The following SREBF1 variants were observed in gnomAD, a reference collection of about 807,000 sequenced individuals.
SREBF1 encodes sterol regulatory element-binding protein 1.
In SREBF1, 45 loss-of-function variants were observed where a neutral mutation model predicts 100.1. That is an observed-to-expected ratio of 0.45 (90% CI 0.35 to 0.58). SREBF1 has a LOEUF of 0.58. Among genes scored for constraint, SREBF1 ranks in the 20% least tolerant of loss-of-function variants. SREBF1 has a pLI of 0.00. For missense variants in SREBF1, 1,324 were observed against 1,539.4 expected, an observed-to-expected ratio of 0.86 and a Z score of 2.34; for synonymous variants, 657 against 681.8, an observed-to-expected ratio of 0.96 and a Z score of 0.57.
intron 1 of SREBF1, among the ~76,000 whole-genome samples, chr17:17,825,093 T>G (rs1307348732): frequency 6.6e-6 from 1 of 152,136 alleles, no homozygotes; most frequent in Non-Finnish European, 1.5e-5. Context: ...AGGCATGAGT[T>G]CCCCATGGCC....
At chr17:17,820,738 C>G in intron 1 of SREBF1, 4 of 617,292 alleles carry the variant, frequency 6.5e-6, no homozygotes, top group Non-Finnish European at 1.2e-5. Context: ...GCAATGCCTG[C>G]TGCTGCGAGT....
rs1200948125 is a variant in SREBF1, at chr17:17,813,333, G to C, written c.3214+35C>G. On this transcript the variant is annotated intron_variant, in intron 18 of 18. Coordinates refer to ENST00000261646, the MANE Select transcript of SREBF1 (RefSeq NM_004176.5). ...CATGTGCGCCCTTCCCTGCTGAGCA[G>C]ACAGCACATCCCTGGTCAGCAGCTG... is the stretch of plus-strand genomic sequence containing the variant. The C allele has an allele frequency of 2.6e-6, 4 of 1,551,842 alleles. No individual in the cohort carries two copies. In the Admixed American group the frequency reaches 5.6e-5, roughly 22 times the overall value.
At chr17:17,814,209 C>T (rs1206543470) in intron 16 of SREBF1, 36 bp downstream of exon 16, 2 of 1,577,986 alleles carry the variant, frequency 1.3e-6, no homozygotes, top group African/African-American at 1.3e-5. Context: ...AAGCTGAATC[C>T]CCCAGCCCTG....
At chr17:17,813,896 T>TGCAATGCAACA (rs2033240070) in intron 16 of SREBF1, 127 bp from the exon 17 acceptor site, 1 of 1,013,452 alleles carries the variant, frequency 9.9e-7, no homozygotes, top group East Asian at 2.6e-5. Flanking sequence ...CTCACACACG[T>TGCAATGCAACA]GCAATGCAAC....
At chr17:17,823,788 G>T (rs1483741848) in intron 1 of SREBF1, among the ~76,000 whole-genome samples, 3 of 150,784 alleles carry the variant, frequency 2.0e-5, no homozygotes, top group Non-Finnish European at 4.4e-5. Flanking sequence ...CCGCGCTGCC[G>T]CCTCGCTAGG....
intron 1 of SREBF1, among the ~76,000 whole-genome samples, chr17:17,834,090 T>TA (rs1186013730): frequency 6.6e-6 from 1 of 150,562 alleles, no homozygotes; most frequent in Non-Finnish European, 1.5e-5. Flanking sequence ...TATCTCTGGG[T>TA]GGTAGGTTTA....
chr17:17,823,609 T>C lies in SREBF1; in HGVS notation c.92-3088A>G, dbSNP rs368131584. ...TACCCCTCCCCGCGCCGACTTCACCTGTCAAGGCGCGGCGGATTTTTGAAG... is the reference window on the plus strand; with the variant it reads ...TACCCCTCCCCGCGCCGACTTCACCCGTCAAGGCGCGGCGGATTTTTGAAG... On this transcript the variant is annotated intron_variant, in intron 1 of 18. Transcript: ENST00000261646. 7 of 1,610,252 alleles carry C rather than the reference T, an allele frequency of 4.3e-6. No homozygotes were observed. In the South Asian group the frequency reaches 5.5e-5, roughly 13 times the overall value.
intron 12 of SREBF1, 93 bp from the exon 13 acceptor site, chr17:17,815,422 C>G: frequency 9.8e-7 from 1 of 1,023,058 alleles, no homozygotes; most frequent in Admixed American, 1.9e-5. Context: ...GGGGCCACAC[C>G]TAGGGCCACT....
chr17:17,819,116 C>T lies in SREBF1; in HGVS notation c.965G>A (p.Gly322Glu). 1 of 1,614,096 alleles carries T rather than the reference C, an allele frequency of 6.2e-7. No homozygotes were observed. The highest frequency in any genetic ancestry group is 8.5e-7 in the Non-Finnish European group (1 of 1,180,050). Residue 322 changes from glycine to glutamate, a missense_variant, in exon 5 of 19, where the codon GGA (glycine) becomes GAA (glutamate). Physicochemically the swap from Gly to Glu is moderately conservative, Grantham distance 98. Transcript: ENST00000261646. ...GGCGTTGTGGGCTGTGCGCTTCTCT[C>T]CACGGCTCTGGGCAGAGGCCGGGGC... ...SKAPASAQSR[G>E]EKRTAHNAIE...
intron 12 of SREBF1, 21 bp downstream of exon 12, chr17:17,815,839 A>G (rs2033503359): frequency 6.2e-7 from 1 of 1,608,152 alleles, no homozygotes; most frequent in South Asian, 1.1e-5. Context: ...GAGAGGGGAC[A>G]GGGAAGGGGT....
Position 17,812,714 on chromosome 17 carries a change from T to A in SREBF1, c.3352A>T (p.Thr1118Ser), listed in dbSNP as rs778987370. Residue 1118 changes from threonine (T) to serine (S), a missense_variant, in exon 19 of 19, where the codon ACA (threonine) becomes TCA (serine). Thr to Ser is a moderately conservative substitution (Grantham distance 58). Transcript: ENST00000261646. ...CGGCGATCGCCAAGCTTCTCGAGTG[T>A]GCGCGCCGCCTCAGCCAGCATGCCC... ...RVGMLAEAAR[T>S]LEKLGDRRLL... 1.3e-6 allele frequency: 2 copies of A among 1,595,980 alleles called. No homozygotes were observed. Among genetic ancestry groups the A allele is most frequent in the South Asian group, 1.1e-5 (1 of 88,744 alleles).
chr17:17,832,934 C>CA (rs1051240899), intron 1 of SREBF1, among the ~76,000 whole-genome samples: 2,105 of 136,696 alleles, frequency 0.015, 44 homozygotes, highest in African/African-American at 0.049. Flanking sequence ...AACAAACAAA[C>CA]AAAAAAAAAA....
chr17:17,818,315 G>A lies in SREBF1; in HGVS notation c.1128C>T (p.Ser376=). The A allele has an allele frequency of 6.2e-7, 1 of 1,613,952 alleles. No homozygotes were observed. Among genetic ancestry groups the A allele is most frequent in the Non-Finnish European group, 8.5e-7 (1 of 1,180,004 alleles). Residue 376 remains serine, a synonymous_variant, in exon 6 of 19, where the codon AGC becomes AGT. Coordinates refer to ENST00000261646, the MANE Select transcript of SREBF1 (RefSeq NM_004176.5). ...AIDYIRFLQH[S]NQKLKQENLS... is the part of the protein sequence containing the mutation. ...GGTTCTCCTGCTTGAGTTTCTGGTT[G>A]CTGTGTTGCAGAAAGCGAATGTAGT...
chr17:17,836,258 G>A (rs923535382), intron 1 of SREBF1, among the ~76,000 whole-genome samples: 2 of 152,290 alleles, frequency 1.3e-5, no homozygotes, highest in African/African-American at 4.8e-5. Flanking sequence ...AGGGCGCGAG[G>A]CAGCGCCCAT....
Position 17,818,277 on chromosome 17 carries a change from G to A in SREBF1, c.1166C>T (p.Thr389Ile), listed in dbSNP as rs1391914768. ...GGACTCACTGCTTTTGTGGACAGCA[G>A]TGCGCAGACTTAGGTTCTCCTGCTT... ...KLKQENLSLR[T>I]AVHKSKSLKD... is the part of the protein sequence containing the mutation. Residue 389 changes from threonine (T) to isoleucine (I), a missense_variant, in exon 6 of 19, where the codon ACT (threonine) becomes ATT (isoleucine). Physicochemically the swap from Thr to Ile is moderately conservative, Grantham distance 89. Transcript: ENST00000261646. 2 of 1,613,970 alleles carry A rather than the reference G, an allele frequency of 1.2e-6. No individual in the cohort carries two copies. Among genetic ancestry groups the A allele is most frequent in the Non-Finnish European group, 1.7e-6 (2 of 1,179,978 alleles).
At chr17:17,813,860 C>A in intron 16 of SREBF1, 91 bp from the exon 17 acceptor site, 2 of 1,332,728 alleles carry the variant, frequency 1.5e-6, no homozygotes, top group South Asian at 1.3e-5. Flanking sequence ...CGGCTCCGGG[C>A]TGCACTGCCG....
In SREBF1 at chr17:17,819,462, TG is replaced by T; in HGVS notation, c.712-9del. ...GTGGGGCTGCAGCAGGACCTGAGGG[TG>T]GGAGAGGCTTGGCTGTAAGCTGTGT... On this transcript the variant is annotated splice_polypyrimidine_tract_variant and intron_variant, in intron 3 of 18. Coordinates refer to ENST00000261646, the MANE Select transcript of SREBF1 (RefSeq NM_004176.5). The T allele has an allele frequency of 1.2e-6, 2 of 1,613,452 alleles. No individual in the cohort carries two copies. The highest frequency in any genetic ancestry group is 1.7e-6 in the Non-Finnish European group (2 of 1,180,002).
In SREBF1 at chr17:17,813,581, G is replaced by A. The variant is rs748715164; in HGVS notation, c.3090C>T (p.Pro1030=). Reference sequence around the variant, plus strand: ...ATCGGGCACTCACCCTCCGCATGGCGGGCCGGAAGCTCTGTGCCAGCCGCC... The same window carrying A: ...ATCGGGCACTCACCCTCCGCATGGCAGGCCGGAAGCTCTGTGCCAGCCGCC... ...SLRRLAQSFR[P]AMRRVFLHEA... is the part of the protein sequence containing the mutation. Residue 1030 remains proline (P), a synonymous_variant, in exon 17 of 19, where the codon CCC becomes CCT. Transcript: ENST00000261646. 8.1e-6 allele frequency: 13 copies of A among 1,595,120 alleles called. No homozygotes were observed. Among genetic ancestry groups the A allele is most frequent in the Admixed American group, 5.1e-5 (3 of 58,834 alleles).
chr17:17,823,597 G>C (rs1409864132), intron 1 of SREBF1: 7 of 1,612,112 alleles, frequency 4.3e-6, no homozygotes, highest in African/African-American at 1.3e-5. Flanking sequence ...CCCTCCCCGC[G>C]CCGACTTCAC....
Sources: allele counts gnomAD v4.1 joint callset (sites outside exome capture counted in the v4.1 genomes callset), GRCh38; gene constraint gnomAD v4.1.1; transcripts MANE v1.5; gene names NCBI Gene and HGNC (gene_info 2026-07-23, HGNC 2026-07-21).